The following GRM7 variants were observed in gnomAD, a reference collection of about 807,000 sequenced individuals.
The protein encoded by GRM7 is glutamate metabotropic receptor 7, also known as metabotropic glutamate receptor 7.
A neutral mutation model predicts 84.5 loss-of-function variants in GRM7; 35 were observed. That is an observed-to-expected ratio of 0.41 (90% CI 0.32 to 0.55). The LOEUF (loss-of-function observed/expected upper bound fraction) is 0.55, where lower values mean the gene tolerates loss of function less well. Among genes scored for constraint, GRM7 ranks in the 20% least tolerant of loss-of-function variants. The probability of loss-of-function intolerance (pLI) is 0.19; values close to 1 mark genes in which losing one functional copy is unlikely to be tolerated. For synonymous variants in GRM7, 487 were observed against 455.1 expected (o/e 1.07, Z -0.89); for missense variants, 1,003 against 1,194.6 (o/e 0.84, Z 2.36).
At chr3:6,880,025 G>C (rs1482037426) in intron 1 of GRM7, among the ~76,000 whole-genome samples, 2 of 152,178 alleles carry the variant, frequency 1.3e-5, no homozygotes, top group African/African-American at 4.8e-5. Flanking sequence ...AGCAAAGAAA[G>C]TATTTACCAA....
intron 1 of GRM7, among the ~76,000 whole-genome samples, chr3:7,093,495 T>C (rs376194203): frequency 2.0e-5 from 3 of 151,410 alleles, no homozygotes; most frequent in Non-Finnish European, 4.4e-5. Context: ...CTGTCCAATA[T>C]GGTGAAACCC....
chr3:7,454,150 T>G (rs1475286623), intron 6 of GRM7, among the ~76,000 whole-genome samples: 1 of 148,828 alleles, frequency 6.7e-6, no homozygotes, highest in African/African-American at 2.5e-5. Context: ...ATCACAATAC[T>G]CAAGTTAATT....
At chr3:7,635,687 T>C (rs1236684567) in intron 8 of GRM7, among the ~76,000 whole-genome samples, 1 of 152,160 alleles carries the variant, frequency 6.6e-6, no homozygotes, top group East Asian at 1.9e-4. Flanking sequence ...TAATTTTATT[T>C]TTTAGGGACA....
At chr3:7,070,860 A>C (rs1354491726) in intron 1 of GRM7, among the ~76,000 whole-genome samples, 1 of 152,152 alleles carries the variant, frequency 6.6e-6, no homozygotes, top group South Asian at 2.1e-4. Flanking sequence ...TTTAAGAAGC[A>C]TTTCTAAGAG....
intron 9 of GRM7, among the ~76,000 whole-genome samples, chr3:7,702,976 A>G (rs1399459293): frequency 2.6e-5 from 4 of 152,152 alleles, no homozygotes; most frequent in African/African-American, 4.8e-5. Flanking sequence ...TGGATATTCT[A>G]TCTCTATGGT....
intron 1 of GRM7, among the ~76,000 whole-genome samples, chr3:6,875,223 C>T (rs1695258062): frequency 7.0e-6 from 1 of 143,552 alleles, no homozygotes; most frequent in Admixed American, 7.0e-5. Flanking sequence ...TGGTTCTGCA[C>T]TTTTTTTTTT....
chr3:7,431,733 G>A (rs1185576230), intron 5 of GRM7, among the ~76,000 whole-genome samples: 1 of 152,140 alleles, frequency 6.6e-6, no homozygotes. Context: ...ACAGTTTTGG[G>A]AGTGTAGAAA....
At chr3:7,532,156 C>A (rs1165176416) in intron 7 of GRM7, among the ~76,000 whole-genome samples, 2 of 152,098 alleles carry the variant, frequency 1.3e-5, no homozygotes, top group Non-Finnish European at 2.9e-5. Context: ...GGAGGAGTCC[C>A]TCTTTTTCTG....
At chr3:7,127,648 T>C (rs79685544) in intron 1 of GRM7, among the ~76,000 whole-genome samples, 225 of 152,334 alleles carry the variant, frequency 1.5e-3, no homozygotes, top group African/African-American at 5.1e-3. Context: ...ATATATAATA[T>C]TTTTGTAGTT....
At chr3:7,110,336 C>T (rs1306914320) in intron 1 of GRM7, among the ~76,000 whole-genome samples, 3 of 152,052 alleles carry the variant, frequency 2.0e-5, no homozygotes, top group Non-Finnish European at 4.4e-5. Context: ...CACGGTGGCT[C>T]ATGCCAGTAA....
At chr3:7,067,539 T>C (rs893824733) in intron 1 of GRM7, among the ~76,000 whole-genome samples, 1 of 151,868 alleles carries the variant, frequency 6.6e-6, no homozygotes, top group Non-Finnish European at 1.5e-5. Context: ...CATAAACAAA[T>C]GGAAACACAT....
intron 8 of GRM7, among the ~76,000 whole-genome samples, chr3:7,593,942 AGG>A (rs200517249): frequency 5.3e-5 from 8 of 151,324 alleles, no homozygotes; most frequent in Non-Finnish European, 1.2e-4. Context: ...AATCCACAGA[AGG>A]GGGAAAAAAA....
In GRM7 at chr3:7,229,191, A is replaced by T. The variant is rs183609326; in HGVS notation, c.737-69493A>T. Among the ~76,000 whole-genome samples, 5 of 152,292 alleles carry T rather than the reference A, an allele frequency of 3.3e-5. No individual in the cohort carries two copies. In the East Asian group the frequency reaches 7.7e-4, roughly 24 times the overall value. ...AGTTATCGGAGTAACTTTACAATTA[A>T]CATTTCCAGTGTTAACATTCATGAC... is the stretch of plus-strand genomic sequence containing the variant. On this transcript the variant is annotated intron_variant, in intron 2 of 9. Coordinates refer to ENST00000357716, the MANE Select transcript of GRM7 (RefSeq NM_000844.4).
At chr3:7,495,238 T>C (rs1699659317) in intron 7 of GRM7, among the ~76,000 whole-genome samples, 1 of 152,130 alleles carries the variant, frequency 6.6e-6, no homozygotes, top group South Asian at 2.1e-4. Context: ...CTGATGGTGC[T>C]ACCCAAGAGA....
intron 9 of GRM7, among the ~76,000 whole-genome samples, chr3:7,721,421 T>C (rs1259843171): frequency 1.3e-5 from 2 of 152,234 alleles, no homozygotes; most frequent in Admixed American, 1.3e-4. Context: ...AATGTGTATG[T>C]ACAGACATAC....
chr3:6,955,179 C>G (rs563600523), intron 1 of GRM7, among the ~76,000 whole-genome samples: 1 of 152,040 alleles, frequency 6.6e-6, no homozygotes, highest in Non-Finnish European at 1.5e-5. Flanking sequence ...CAAAACAAGA[C>G]AAAACAAAAC....
chr3:7,542,031 C>A (rs1692908218), intron 7 of GRM7, among the ~76,000 whole-genome samples: 1 of 152,118 alleles, frequency 6.6e-6, no homozygotes, highest in South Asian at 2.1e-4. Context: ...TGGCGTTCTC[C>A]CTGTGTGTCT....
At chr3:7,517,517 C>T (rs142541011) in intron 7 of GRM7, among the ~76,000 whole-genome samples, 5 of 152,116 alleles carry the variant, frequency 3.3e-5, no homozygotes, top group South Asian at 2.1e-4. Flanking sequence ...CTCCGCCTCT[C>T]GAGTAGCTGG....
chr3:7,336,319 A>T (rs184777635), intron 4 of GRM7, among the ~76,000 whole-genome samples: 1 of 152,092 alleles, frequency 6.6e-6, no homozygotes, highest in Admixed American at 6.6e-5. Flanking sequence ...TTGCAAAAAA[A>T]AAGCACTTGG....
Sources: allele counts gnomAD v4.1 joint callset (sites outside exome capture counted in the v4.1 genomes callset), GRCh38; gene constraint gnomAD v4.1.1; transcripts MANE v1.5; gene names NCBI Gene and HGNC (gene_info 2026-07-23, HGNC 2026-07-21).